Variants in LINGO2 observed in about 807,000 individuals in gnomAD.
LINGO2 encodes the protein leucine rich repeat and Ig domain containing 2, also known as leucine-rich repeat and immunoglobulin-like domain-containing nogo receptor-interacting protein 2.
In LINGO2, 14 loss-of-function variants were observed where a neutral mutation model predicts 30.6. The observed-to-expected ratio is 0.46, with a 90% CI of 0.30 to 0.72. LINGO2 has a LOEUF of 0.72. LINGO2 is among the 30% of genes least tolerant of loss of function. LINGO2 has a pLI of 0.07. For synonymous variants in LINGO2, 317 were observed against 288.5 expected (o/e 1.10, Z -1.00); for missense variants, 729 against 751.7 (o/e 0.97, Z 0.35).
At chr9:28,287,959 A>G (rs368368190) in intron 4 of LINGO2, among the ~76,000 whole-genome samples, 6 of 152,316 alleles carry the variant, frequency 3.9e-5, no homozygotes, top group East Asian at 3.9e-4. Context: ...TCAGCATTTA[A>G]CAGAGAATAA....
At chr9:29,079,969 T>C in the LINGO2 span, among the ~76,000 whole-genome samples, 2 of 152,096 alleles carry the variant, frequency 1.3e-5, no homozygotes, top group East Asian at 3.8e-4. Context: ...TTATGATATT[T>C]AAACAGTCAC....
intron 2 of LINGO2, among the ~76,000 whole-genome samples, chr9:28,421,292 A>G (rs1406519223): frequency 6.6e-6 from 1 of 152,030 alleles, no homozygotes; most frequent in East Asian, 1.9e-4. Flanking sequence ...AAGGACATCA[A>G]TAAATGAAAA....
At chr9:29,074,735 G>C in the LINGO2 span, among the ~76,000 whole-genome samples, 1 of 144,118 alleles carries the variant, frequency 6.9e-6, no homozygotes, top group East Asian at 2.0e-4. Flanking sequence ...GCCCAGGCTG[G>C]AGGGCAGTGG....
At chr9:28,910,085 T>TA in the LINGO2 span, among the ~76,000 whole-genome samples, 1 of 152,060 alleles carries the variant, frequency 6.6e-6, no homozygotes, top group Non-Finnish European at 1.5e-5. Flanking sequence ...AATTAAATTT[T>TA]AAAAAATAAT....
chr9:28,686,268 G>T, the LINGO2 span, among the ~76,000 whole-genome samples: 1 of 151,920 alleles, frequency 6.6e-6, no homozygotes, highest in Non-Finnish European at 1.5e-5. Flanking sequence ...TTGACCAGAT[G>T]ATTTTGTAAG....
At chr9:28,995,527 C>G in the LINGO2 span, among the ~76,000 whole-genome samples, 1 of 152,172 alleles carries the variant, frequency 6.6e-6, no homozygotes, top group East Asian at 1.9e-4. Context: ...TGGGTATATA[C>G]CCAAAGGACT....
chr9:27,999,376 C>G (rs1821828285), intron 5 of LINGO2, among the ~76,000 whole-genome samples: 1 of 151,512 alleles, frequency 6.6e-6, no homozygotes, highest in African/African-American at 2.4e-5. Context: ...TGCCAGCTGG[C>G]CGACGAACTG....
chr9:29,168,420 T>C, the LINGO2 span, among the ~76,000 whole-genome samples: 1 of 152,222 alleles, frequency 6.6e-6, no homozygotes, highest in Non-Finnish European at 1.5e-5. Flanking sequence ...TGATTTATTT[T>C]AGCCAATCAT....
the LINGO2 span, among the ~76,000 whole-genome samples, chr9:28,980,941 G>A: frequency 3.9e-5 from 6 of 152,116 alleles, no homozygotes; most frequent in South Asian, 1.2e-3. Flanking sequence ...GGCATATACT[G>A]GATGATCAAT....
the LINGO2 span, among the ~76,000 whole-genome samples, chr9:28,684,489 T>A: frequency 1.5e-5 from 2 of 130,896 alleles, no homozygotes; most frequent in South Asian, 2.5e-4. Flanking sequence ...GCGCCCAGCC[T>A]TTTTTTTTTT....
chr9:28,021,347 C>CA (rs1290188224), intron 4 of LINGO2, among the ~76,000 whole-genome samples: 2 of 152,062 alleles, frequency 1.3e-5, no homozygotes, highest in Non-Finnish European at 2.9e-5. Flanking sequence ...ACTTTAATCC[C>CA]ATTGTAGTCT....
chr9:28,391,124 T>G (rs530032555), intron 2 of LINGO2, among the ~76,000 whole-genome samples: 1 of 152,282 alleles, frequency 6.6e-6, no homozygotes, highest in African/African-American at 2.4e-5. Context: ...CTAGTTTTAT[T>G]TTTAATTAAC....
intron 5 of LINGO2, among the ~76,000 whole-genome samples, chr9:28,004,069 C>G (rs115236098): frequency 0.013 from 1,917 of 152,214 alleles, 35 homozygotes; most frequent in African/African-American, 0.044. Flanking sequence ...AATAATCAAA[C>G]TAGCCTTCAG....
the LINGO2 span, among the ~76,000 whole-genome samples, chr9:29,073,294 C>A: frequency 1.3e-5 from 2 of 151,888 alleles, no homozygotes; most frequent in Non-Finnish European, 2.9e-5. Flanking sequence ...TAACTAAAGA[C>A]ATCGTTCAGA....
chr9:28,806,412 C>T, the LINGO2 span, among the ~76,000 whole-genome samples: 1 of 152,148 alleles, frequency 6.6e-6, no homozygotes, highest in East Asian at 1.9e-4. Context: ...ATATTAATAA[C>T]TTGATTGTAT....
chr9:29,196,032 C>T, the LINGO2 span, among the ~76,000 whole-genome samples: 1 of 152,004 alleles, frequency 6.6e-6, no homozygotes, highest in Admixed American at 6.6e-5. Context: ...AAATATTCAG[C>T]TAAGAAAGAC....
intron 4 of LINGO2, among the ~76,000 whole-genome samples, chr9:28,076,189 C>T (rs1184594030): frequency 1.3e-5 from 2 of 152,090 alleles, no homozygotes; most frequent in African/African-American, 2.4e-5. Context: ...AGAGCCTTTG[C>T]TCTTCTAAAT....
At chr9:28,497,993 G>A (rs907732083) in intron 1 of LINGO2, among the ~76,000 whole-genome samples, 1 of 152,196 alleles carries the variant, frequency 6.6e-6, no homozygotes, top group Non-Finnish European at 1.5e-5. Flanking sequence ...AATAGCAAAT[G>A]TTGCTGCCTG....
chr9:28,086,988 C>G (rs1351061864), intron 4 of LINGO2, among the ~76,000 whole-genome samples: 3 of 152,126 alleles, frequency 2.0e-5, no homozygotes, highest in African/African-American at 7.2e-5. Flanking sequence ...CAGAGTTAGA[C>G]TTGTGTGACA....
Sources: allele counts gnomAD v4.1 joint callset (sites outside exome capture counted in the v4.1 genomes callset), GRCh38; gene constraint gnomAD v4.1.1; transcripts MANE v1.5; gene names NCBI Gene and HGNC (gene_info 2026-07-23, HGNC 2026-07-21).